Variants in SEM1 observed in about 807,000 individuals in gnomAD.
SEM1 encodes the protein 26S proteasome complex subunit SEM1.
Under a neutral mutation model 12.7 loss-of-function variants are expected in SEM1, and 3 were observed. The observed-to-expected ratio is 0.24, with a 90% CI of 0.11 to 0.61. The LOEUF is 0.61. Among genes scored for constraint, SEM1 ranks in the 20% least tolerant of loss-of-function variants. The pLI, the probability that SEM1 is intolerant of heterozygous loss-of-function variation, is 0.88. For missense variants in SEM1, 59 were observed against 81.3 expected (o/e 0.73, Z 1.06); for synonymous variants, 30 against 27.8 (o/e 1.08, Z -0.25).
chr7:96,656,263 T>C (rs1809176392), intron 2 of SEM1, among the ~76,000 whole-genome samples: 1 of 152,192 alleles, frequency 6.6e-6, no homozygotes, highest in Admixed American at 6.5e-5. Context: ...CCCACAAGTC[T>C]CCAAATTCTT....
chr7:96,519,886 G>A (rs192843738), intron 2 of SEM1, among the ~76,000 whole-genome samples: 1 of 152,210 alleles, frequency 6.6e-6, no homozygotes, highest in East Asian at 1.9e-4. Flanking sequence ...GTGAGAAGGA[G>A]CACCTAACAG....
intron 2 of SEM1, among the ~76,000 whole-genome samples, chr7:96,586,529 G>A (rs1397872563): frequency 6.6e-6 from 1 of 152,100 alleles, no homozygotes; most frequent in Non-Finnish European, 1.5e-5. Context: ...ACTGGGTCTG[G>A]TAAGATCATA....
chr7:96,690,358 G>C (rs753303160), intron 2 of SEM1, among the ~76,000 whole-genome samples: 1 of 152,150 alleles, frequency 6.6e-6, no homozygotes, highest in African/African-American at 2.4e-5. Flanking sequence ...GGAGGTGGCT[G>C]GTCACTAACT....
Position 96,484,794 on chromosome 7 carries a change from T to C in SEM1, c.257+31A>G, listed in dbSNP as rs373204186. 2.6e-5 allele frequency: 33 copies of C among 1,255,754 alleles called. No individual in the cohort carries two copies. In the African/African-American group the frequency reaches 5.1e-4, roughly 19 times the overall value. The allele number at this position is 1,255,754 out of a possible 1,614,324, so 77.8% of individuals were successfully genotyped here. A position where few individuals can be genotyped will look rare whatever the true frequency, so the allele number is the denominator to read the frequency against. On this transcript the variant is annotated intron_variant, in intron 3 of 3. Coordinates refer to the SEM1 transcript ENST00000356686. The stretch of plus-strand genomic sequence containing the variant: ...TCTCACCATACAGAAAAGTTACCCA[T>C]TTATATCCATTTATATCTTTGTTCC...
At chr7:96,569,295 G>C (rs528814522) in intron 2 of SEM1, among the ~76,000 whole-genome samples, 103 of 151,972 alleles carry the variant, frequency 6.8e-4, no homozygotes, top group African/African-American at 2.4e-3. Context: ...CTTTTGAAAA[G>C]AAAAACCGTG....
At chr7:96,701,286 AAT>A (rs1248393061) in intron 1 of SEM1, among the ~76,000 whole-genome samples, 1 of 151,034 alleles carries the variant, frequency 6.6e-6, no homozygotes, top group Non-Finnish European at 1.5e-5. Flanking sequence ...CCTCATCCTC[AAT>A]ATGATGGTAT....
rs1807602202 is a variant in SEM1 at position 96,613,344 on chromosome 7, T to C, written c.170+81454A>G. 2.0e-5 allele frequency among the ~76,000 whole-genome samples: 3 copies of C among 152,352 alleles called. No homozygotes were observed. The South Asian group carries it at 6.2e-4, about 32-fold the overall frequency. ...AGCTCATTGTAACATCTGCCTAGTT[T>C]TCTTATTACATTAAAGAAAACCTAT... On this transcript the variant is annotated intron_variant and NMD_transcript_variant, in intron 2 of 3. Transcript: ENST00000466986.
intron 2 of SEM1, among the ~76,000 whole-genome samples, chr7:96,525,960 G>A (rs766845759): frequency 3.3e-5 from 5 of 152,048 alleles, no homozygotes; most frequent in Admixed American, 6.5e-5. Flanking sequence ...AAAGGTTGGG[G>A]ACCACTGCTG....
intron 2 of SEM1, among the ~76,000 whole-genome samples, chr7:96,534,098 AC>A (rs1401497565): frequency 6.6e-6 from 1 of 152,066 alleles, no homozygotes; most frequent in Non-Finnish European, 1.5e-5. Context: ...TTCATGGAAC[AC>A]CATTTTACTT....
chr7:96,668,669 G>A (rs1407999961), downstream of SEM1, among the ~76,000 whole-genome samples: 1 of 152,090 alleles, frequency 6.6e-6, no homozygotes, highest in African/African-American at 2.4e-5. Flanking sequence ...CTCTCTTTGT[G>A]ACTTTGAATA....
chr7:96,625,583 C>G (rs1272564964), intron 2 of SEM1, among the ~76,000 whole-genome samples: 1 of 152,150 alleles, frequency 6.6e-6, no homozygotes, highest in Non-Finnish European at 1.5e-5. Flanking sequence ...AGTTTAGGAT[C>G]TAAGCTACAA....
At chr7:96,537,723 T>C (rs1394914525) in intron 2 of SEM1, among the ~76,000 whole-genome samples, 2 of 151,760 alleles carry the variant, frequency 1.3e-5, no homozygotes, top group Admixed American at 6.6e-5. Context: ...ATGATATGCC[T>C]AGATTTTTTG....
intron 2 of SEM1, among the ~76,000 whole-genome samples, chr7:96,681,765 C>T (rs577703182): frequency 2.0e-5 from 3 of 152,188 alleles, no homozygotes; most frequent in South Asian, 4.1e-4. Context: ...GGTACCAGTA[C>T]CATGCTGTTT....
intron 2 of SEM1, among the ~76,000 whole-genome samples, chr7:96,513,701 CA>C (rs1170390380): frequency 2.0e-5 from 3 of 151,914 alleles, no homozygotes; most frequent in African/African-American, 7.3e-5. Flanking sequence ...TGATGGTGTG[CA>C]CCTGTAATCC....
intron 2 of SEM1, among the ~76,000 whole-genome samples, chr7:96,663,383 C>A (rs1381762716): frequency 6.6e-6 from 1 of 152,112 alleles, no homozygotes; most frequent in Non-Finnish European, 1.5e-5. Context: ...AGGTAGATGA[C>A]AAGGTGGAAT....
chr7:96,587,333 A>AC (rs2116109519), intron 2 of SEM1, among the ~76,000 whole-genome samples: 1 of 152,306 alleles, frequency 6.6e-6, no homozygotes, highest in African/African-American at 2.4e-5. Context: ...CAGAAAAATA[A>AC]CTTTCTCCCT....
At chr7:96,487,082 A>G (rs1252155070) in intron 1 of SEM1, among the ~76,000 whole-genome samples, 1 of 150,806 alleles carries the variant, frequency 6.6e-6, no homozygotes, top group Non-Finnish European at 1.5e-5. Context: ...GGTAAAAATG[A>G]CAACATGCAT....
At chr7:96,499,726 GA>G (rs1563031883), upstream of SEM1, among the ~76,000 whole-genome samples, 2 of 152,198 alleles carry the variant, frequency 1.3e-5, no homozygotes, top group Non-Finnish European at 1.5e-5. Flanking sequence ...ACTAGGCATA[GA>G]GTGGAAAAAC....
intron 2 of SEM1, among the ~76,000 whole-genome samples, chr7:96,512,831 G>C (rs1252713280): frequency 6.6e-6 from 1 of 152,056 alleles, no homozygotes; most frequent in Non-Finnish European, 1.5e-5. Flanking sequence ...AGTCAGAAAG[G>C]CTGCTCACAT....
Sources: gnomAD v4.1 joint callset for allele counts (sites outside exome capture counted in the v4.1 genomes callset) on GRCh38, gnomAD v4.1.1 for gene constraint, MANE v1.5 for transcripts, NCBI Gene and HGNC (gene_info 2026-07-23, HGNC 2026-07-21) for gene names.